PRKN: variants seen among roughly 807,000 people sequenced by gnomAD.
PRKN encodes the protein parkin RBR E3 ubiquitin protein ligase.
PRKN carries 56 observed loss-of-function variants against 59.5 expected under a neutral mutation model. That is an observed-to-expected ratio of 0.94 (90% CI 0.76 to 1.18). PRKN has a LOEUF of 1.18. Ranked by LOEUF, PRKN falls within the 50% of genes most tolerant of loss-of-function variation. PRKN has a pLI of 0.00. For missense variants in PRKN, 657 were observed against 596.4 expected, an observed-to-expected ratio of 1.10 and a Z score of -1.06; for synonymous variants, 250 against 222.1, an observed-to-expected ratio of 1.13 and a Z score of -1.12.
At chr6:161,387,148 A>C (rs1489740558) in intron 9 of PRKN, among the ~76,000 whole-genome samples, 2 of 152,180 alleles carry the variant, frequency 1.3e-5, no homozygotes, top group Non-Finnish European at 1.5e-5. Context: ...TGGAAGACAC[A>C]GTGATATGGT....
At chr6:162,614,517 T>G (rs1782323162) in intron 1 of PRKN, among the ~76,000 whole-genome samples, 1 of 152,336 alleles carries the variant, frequency 6.6e-6, no homozygotes, top group African/African-American at 2.4e-5. Context: ...AATGTGTGCC[T>G]TTAAATTTGC....
At chr6:161,625,473 T>G (rs1424432432) in intron 7 of PRKN, among the ~76,000 whole-genome samples, 1 of 152,088 alleles carries the variant, frequency 6.6e-6, no homozygotes, top group East Asian at 1.9e-4. Context: ...AACGACGAGT[T>G]GATGGGGGCA....
At chr6:162,704,354 C>T (rs1197808379) in intron 1 of PRKN, among the ~76,000 whole-genome samples, 1 of 152,154 alleles carries the variant, frequency 6.6e-6, no homozygotes. Context: ...ACCCTGTCAC[C>T]TCTCCCCCAG....
At chr6:162,010,682 T>A (rs12180815) in intron 5 of PRKN, among the ~76,000 whole-genome samples, 561 of 4,682 alleles carry the variant, frequency 0.12, 164 homozygotes, top group Non-Finnish European at 0.13. Flanking sequence ...TACTATATAT[T>A]ATATAATATA....
intron 9 of PRKN, among the ~76,000 whole-genome samples, chr6:161,441,538 G>A (rs1244706995): frequency 6.6e-6 from 1 of 151,688 alleles, no homozygotes; most frequent in African/African-American, 2.4e-5. Flanking sequence ...CCAGCTACTC[G>A]GGAGGCCAAG....
chr6:162,173,314 G>C (rs1259654985), intron 4 of PRKN, among the ~76,000 whole-genome samples: 1 of 152,036 alleles, frequency 6.6e-6, no homozygotes, highest in Non-Finnish European at 1.5e-5. Flanking sequence ...CATCTCCACG[G>C]ACCAGCACTC....
chr6:161,977,518 T>C (rs1309145897), intron 5 of PRKN, among the ~76,000 whole-genome samples: 2 of 150,788 alleles, frequency 1.3e-5, no homozygotes, highest in East Asian at 1.9e-4. Context: ...AGAAACATTA[T>C]CTTCTCTACT....
intron 9 of PRKN, among the ~76,000 whole-genome samples, chr6:161,507,310 T>C (rs1482410830): frequency 1.3e-5 from 2 of 152,184 alleles, no homozygotes; most frequent in Admixed American, 1.3e-4. Flanking sequence ...CTTTTCAGTG[T>C]GGCATTTGTA....
At chr6:162,513,917 G>C (rs530611218) in intron 1 of PRKN, among the ~76,000 whole-genome samples, 1 of 151,760 alleles carries the variant, frequency 6.6e-6, no homozygotes, top group Non-Finnish European at 1.5e-5. Flanking sequence ...ATGGTGATGC[G>C]TGCCTGTAGT....
chr6:162,508,789 C>G (rs1280378733), intron 1 of PRKN, among the ~76,000 whole-genome samples: 1 of 152,046 alleles, frequency 6.6e-6, no homozygotes, highest in Non-Finnish European at 1.5e-5. Context: ...GAGGTTGAGG[C>G]TGCAGTGAGC....
chr6:162,516,621 G>A (rs544628515), intron 1 of PRKN, among the ~76,000 whole-genome samples: 73 of 152,098 alleles, frequency 4.8e-4, no homozygotes, highest in African/African-American at 1.6e-3. Flanking sequence ...GCATGGTGGT[G>A]CAGCCTATAA....
At chr6:162,274,184 T>TATTA (rs1562631945) in intron 2 of PRKN, among the ~76,000 whole-genome samples, 3 of 142,886 alleles carry the variant, frequency 2.1e-5, no homozygotes, top group African/African-American at 9.1e-5. Flanking sequence ...TTTATTAATG[T>TATTA]ATTTATTTAT....
intron 6 of PRKN, among the ~76,000 whole-genome samples, chr6:161,787,669 A>G (rs1182326690): frequency 6.6e-6 from 1 of 152,194 alleles, no homozygotes; most frequent in African/African-American, 2.4e-5. Context: ...CTTAGAGGCC[A>G]GGCGTGGTGG....
At chr6:161,358,834 G>A (rs1440641405) in intron 11 of PRKN, among the ~76,000 whole-genome samples, 4 of 117,154 alleles carry the variant, frequency 3.4e-5, no homozygotes, top group Non-Finnish European at 4.8e-5. Flanking sequence ...TCACTCTGTC[G>A]CCCAGGCTGG....
intron 7 of PRKN, among the ~76,000 whole-genome samples, chr6:161,695,889 T>C (rs972058055): frequency 1.3e-5 from 2 of 152,236 alleles, no homozygotes; most frequent in African/African-American, 4.8e-5. Flanking sequence ...GCGTGATCAA[T>C]TTTAAGCAAA....
intron 1 of PRKN, among the ~76,000 whole-genome samples, chr6:162,646,083 A>G (rs945162332): frequency 2.0e-5 from 3 of 151,802 alleles, no homozygotes; most frequent in African/African-American, 7.3e-5. Flanking sequence ...CGTGTTAGCC[A>G]GGATGGTCTC....
intron 5 of PRKN, among the ~76,000 whole-genome samples, chr6:161,995,822 C>G (rs1270772614): frequency 6.6e-6 from 1 of 152,022 alleles, no homozygotes; most frequent in Non-Finnish European, 1.5e-5. Flanking sequence ...ATTAGTACAG[C>G]CATTCTGGAA....
chr6:161,552,787 G>GTTGTTTTTTTTTTTT lies in PRKN; in HGVS notation c.934-3785_934-3784insAAAAAAAAAAAACAA, dbSNP rs1554275446. ...TAAAAGACACCATGGTTTTGTTGTTGTTTTTGTTTTTTGTTTTTTTTTTTT... is the reference window on the plus strand; with the variant it reads ...TAAAAGACACCATGGTTTTGTTGTTGTTGTTTTTTTTTTTTTTTTTGTTTTTTGTTTTTTTTTTTT... On this transcript the variant is annotated intron_variant, in intron 8 of 11. Transcript: ENST00000366898. This position sits in a 1 kb window ranked among gnomAD's most constrained non-coding sequence, Gnocchi z 4.9. Among the ~76,000 whole-genome samples the GTTGTTTTTTTTTTTT allele has an allele frequency of 9.2e-5, 8 of 86,498 alleles. No homozygotes were observed. Among genetic ancestry groups the GTTGTTTTTTTTTTTT allele is most frequent in the Non-Finnish European group, 8.0e-5 (3 of 37,612 alleles). 56.7% of individuals were successfully genotyped at this position (86,498 alleles called of 152,430 possible).
chr6:162,517,249 A>ATTT (rs755649567), intron 1 of PRKN, among the ~76,000 whole-genome samples: 1 of 136,272 alleles, frequency 7.3e-6, no homozygotes, highest in Non-Finnish European at 1.6e-5. Flanking sequence ...GAACCCAGGC[A>ATTT]TTTTTTTTTT....
Sources: allele counts gnomAD v4.1 joint callset (sites outside exome capture counted in the v4.1 genomes callset), GRCh38; gene constraint gnomAD v4.1.1; non-coding constraint Gnocchi (gnomAD v3.1); transcripts MANE v1.5; gene names NCBI Gene and HGNC (gene_info 2026-07-23, HGNC 2026-07-21).